The following DAAM1 variants were observed in gnomAD, a reference collection of about 807,000 sequenced individuals.
DAAM1 encodes the protein disheveled-associated activator of morphogenesis 1.
DAAM1 carries 52 observed loss-of-function variants against 130.0 expected under a neutral mutation model. That is an observed-to-expected ratio of 0.40 (90% CI 0.32 to 0.50). The LOEUF (loss-of-function observed/expected upper bound fraction) is 0.50, where lower values mean the gene tolerates loss of function less well. DAAM1 is among the 20% of genes least tolerant of loss of function. DAAM1 has a pLI of 0.61. For synonymous variants in DAAM1, 452 were observed against 444.5 expected, an observed-to-expected ratio of 1.02 and a Z score of -0.21; for missense variants, 1,134 against 1,303.8, an observed-to-expected ratio of 0.87 and a Z score of 2.01.
chr14:59,320,959 G>A (rs1396470108), intron 5 of DAAM1, among the ~76,000 whole-genome samples: 1 of 152,056 alleles, frequency 6.6e-6, no homozygotes, highest in Non-Finnish European at 1.5e-5. Context: ...TCTGCTCCTC[G>A]GAATGTAGCC....
intron 1 of DAAM1, among the ~76,000 whole-genome samples, chr14:59,241,939 C>A (rs971262470): frequency 6.6e-6 from 1 of 152,034 alleles, no homozygotes; most frequent in African/African-American, 2.4e-5. Context: ...GTTACCTATA[C>A]AAGGATATGA....
chr14:59,331,815 C>T lies in DAAM1; in HGVS notation c.1863C>T (p.Asn621=). 6.2e-7 allele frequency: 1 copy of T among 1,612,644 alleles called. No individual in the cohort carries two copies. The change falls in exon 15 of 25, where the codon AAC becomes AAT. Residue 621 remains asparagine (N), a splice_region_variant and synonymous_variant. Coordinates refer to ENST00000360909, the MANE Select transcript of DAAM1 (RefSeq NM_001270520.2). ...KSFNWSKLPE[N]KLEGTVWTEI... ...ACTTATTACATTGATGTTTCTAGAA[C>T]AAACTGGAAGGAACAGTATGGACCG...
At chr14:59,238,891 C>G (rs1889389691) in intron 1 of DAAM1, among the ~76,000 whole-genome samples, 1 of 152,112 alleles carries the variant, frequency 6.6e-6, no homozygotes, top group African/African-American at 2.4e-5. Context: ...CAGAGACTTT[C>G]AGAGAAGGAG....
intron 2 of DAAM1, among the ~76,000 whole-genome samples, chr14:59,271,966 G>GA: frequency 1.3e-5 from 2 of 151,556 alleles, no homozygotes; most frequent in East Asian, 3.9e-4. Flanking sequence ...TAAACTGATA[G>GA]AAGGAAAAAA....
intron 11 of DAAM1, 101 bp from the exon 12 acceptor site, chr14:59,326,832 G>A (rs891500720): frequency 7.3e-5 from 113 of 1,548,242 alleles, no homozygotes; most frequent in Non-Finnish European, 6.6e-5. Context: ...ATGCACTGAG[G>A]ATTTTCTCTG....
intron 2 of DAAM1, among the ~76,000 whole-genome samples, chr14:59,283,942 G>A (rs770918342): frequency 1.3e-4 from 20 of 152,156 alleles, no homozygotes; most frequent in Non-Finnish European, 2.5e-4. Flanking sequence ...AAACAGCACA[G>A]GTGCTCCATT....
At chr14:59,222,723 A>G (rs555044955) in intron 1 of DAAM1, among the ~76,000 whole-genome samples, 1 of 152,356 alleles carries the variant, frequency 6.6e-6, no homozygotes, top group African/African-American at 2.4e-5. Flanking sequence ...AAGCATTCAC[A>G]TAGGAAACTA....
intron 16 of DAAM1, among the ~76,000 whole-genome samples, chr14:59,343,547 C>T (rs1309072562): frequency 1.3e-5 from 2 of 152,252 alleles, no homozygotes; most frequent in Admixed American, 6.5e-5. Flanking sequence ...GCAATGCCAT[C>T]ATTACACCAA....
At chr14:59,202,654 C>T (rs1179414591) in intron 1 of DAAM1, among the ~76,000 whole-genome samples, 1 of 152,182 alleles carries the variant, frequency 6.6e-6, no homozygotes, top group Admixed American at 6.5e-5. Context: ...CCTCTGTCTT[C>T]AGCTTCTGAA....
At position 59,259,330 on chromosome 14, in the gene DAAM1, A is replaced by T. The variant is rs749062686; in HGVS notation, c.-37-4111A>T. Among the ~76,000 whole-genome samples the T allele has an allele frequency of 7.9e-5, 12 of 152,322 alleles. No individual in the cohort carries two copies. The South Asian group carries it at 8.3e-4, about 11-fold the overall frequency. ...ACAAAATGCTAAGAGAGCCCAGACC[A>T]TATCTAGTTAGGCAGATTAACAAGA... On this transcript the variant is annotated intron_variant, in intron 1 of 24. Transcript: ENST00000360909.
At chr14:59,304,214 C>G (rs552036258) in intron 3 of DAAM1, among the ~76,000 whole-genome samples, 1 of 152,300 alleles carries the variant, frequency 6.6e-6, no homozygotes, top group South Asian at 2.1e-4. Context: ...GAAATGGCCC[C>G]TTTAGAAGCT....
chr14:59,215,913 A>G (rs1888562597), intron 1 of DAAM1, among the ~76,000 whole-genome samples: 1 of 152,206 alleles, frequency 6.6e-6, no homozygotes, highest in African/African-American at 2.4e-5. Flanking sequence ...TCAGCCTCTT[A>G]GGACAGCCTT....
Position 59,263,419 on chromosome 14 carries a change from A to C in DAAM1, c.-37-22A>C, listed in dbSNP as rs980160900. The C allele has an allele frequency of 3.1e-6, 5 of 1,598,738 alleles. No individual in the cohort carries two copies. The East Asian group carries it at 1.1e-4, about 36-fold the overall frequency. ...TTTATCTGTTCCTGTACTCTTAACCATGTCATATCCTCTTTTTGCAGCGTT... is the reference window on the plus strand; with the variant it reads ...TTTATCTGTTCCTGTACTCTTAACCCTGTCATATCCTCTTTTTGCAGCGTT... On this transcript the variant is annotated intron_variant, in intron 1 of 24. Transcript: ENST00000360909.
chr14:59,226,057 A>G (rs1483386241), intron 1 of DAAM1, among the ~76,000 whole-genome samples: 1 of 148,724 alleles, frequency 6.7e-6, no homozygotes, highest in African/African-American at 2.5e-5. Context: ...CCTGATGATA[A>G]TTTTTTTTTT....
chr14:59,203,158 ATTTTTTTT>A (rs57437992), intron 1 of DAAM1, among the ~76,000 whole-genome samples: 44 of 108,070 alleles, frequency 4.1e-4, no homozygotes, highest in Admixed American at 7.7e-4. Context: ...CTTCTGGCTA[ATTTTTTTT>A]TTTTTTTTTT....
chr14:59,280,657 G>T (rs1883174757), intron 2 of DAAM1, among the ~76,000 whole-genome samples: 1 of 147,410 alleles, frequency 6.8e-6, no homozygotes. Flanking sequence ...ATGAGAGTCA[G>T]ACGTACCAAT....
At position 59,331,225 on chromosome 14, in the gene DAAM1, C is replaced by T; in HGVS notation, c.1577C>T (p.Ser526Leu). The change falls in exon 14 of 25, where the codon TCA becomes TTA. Residue 526 changes from serine to leucine, a missense_variant. By Grantham distance (145) the Ser-to-Leu change is moderately radical. Transcript: ENST00000360909. ...HELSRRAVCA[S>L]IPGGPSPGAP... Reference sequence around the variant, plus strand: ...TCTTTTCAGAGGGCCGTCTGTGCTTCAATCCCAGGTGGACCCTCGCCTGGA... The same window carrying T: ...TCTTTTCAGAGGGCCGTCTGTGCTTTAATCCCAGGTGGACCCTCGCCTGGA... 1 of 1,612,952 alleles carries T rather than the reference C, an allele frequency of 6.2e-7. No individual in the cohort carries two copies. Among genetic ancestry groups the T allele is most frequent in the Non-Finnish European group, 8.5e-7 (1 of 1,179,962 alleles).
chr14:59,272,450 C>A (rs916087349), intron 2 of DAAM1, among the ~76,000 whole-genome samples: 5 of 152,060 alleles, frequency 3.3e-5, no homozygotes, highest in African/African-American at 1.2e-4. Context: ...GTGGCACATG[C>A]CTGTAACCCC....
rs1197490170 is a variant in DAAM1, at chr14:59,369,838, T to TCTGTTTTGTAGGACAAG, written c.*983_*984insTTTGTAGGACAAGCTGT. 5 of 151,380 alleles carry TCTGTTTTGTAGGACAAG rather than the reference T, an allele frequency of 3.3e-5. No individual in the cohort carries two copies. The highest frequency in any genetic ancestry group is 7.4e-5 in the Non-Finnish European group (5 of 67,810). The allele number at this position is 151,380 out of a possible 1,614,324, so 9.4% of individuals were successfully genotyped here. A position where few individuals can be genotyped will look rare whatever the true frequency, so the allele number is the denominator to read the frequency against. ...CTGTTTTGTAGGACAAGCTGCATTTTCTGTAAATATAGGTCTGGACTAAAG... is the reference window on the plus strand; with the variant it reads ...CTGTTTTGTAGGACAAGCTGCATTTTCTGTTTTGTAGGACAAGCTGTAAATATAGGTCTGGACTAAAG... On this transcript the variant is annotated 3_prime_UTR_variant, in exon 25 of 25. Coordinates refer to ENST00000360909, the MANE Select transcript of DAAM1 (RefSeq NM_001270520.2).
Sources: gnomAD v4.1 joint callset for allele counts (sites outside exome capture counted in the v4.1 genomes callset) on GRCh38, gnomAD v4.1.1 for gene constraint, MANE v1.5 for transcripts, NCBI Gene and HGNC (gene_info 2026-07-23, HGNC 2026-07-21) for gene names.